Variants in ESRRG observed in about 807,000 individuals in gnomAD.
ESRRG encodes the protein estrogen related receptor gamma.
ESRRG carries 13 observed loss-of-function variants against 44.0 expected under a neutral mutation model. The ratio of observed to expected loss-of-function variants is 0.30; its 90% CI spans 0.19 to 0.47. The LOEUF (loss-of-function observed/expected upper bound fraction) is 0.47. Among genes scored for constraint, ESRRG ranks in the 20% least tolerant of loss-of-function variants. ESRRG has a pLI of 1.00. For missense variants in ESRRG, 395 were observed against 580.6 expected (o/e 0.68, Z 3.29); for synonymous variants, 215 against 214.6 (o/e 1.00, Z -0.02).
At chr1:216,831,512 G>C (rs1182206466) in intron 2 of ESRRG, among the ~76,000 whole-genome samples, 1 of 149,152 alleles carries the variant, frequency 6.7e-6, no homozygotes, top group African/African-American at 2.5e-5. Flanking sequence ...AAAAGAGAGA[G>C]AGAGAAAGAG....
At chr1:216,869,892 C>T (rs1260946864) in intron 2 of ESRRG, among the ~76,000 whole-genome samples, 2 of 151,900 alleles carry the variant, frequency 1.3e-5, no homozygotes, top group Non-Finnish European at 2.9e-5. Context: ...TGTATGTTAA[C>T]CTTGTAACCT....
chr1:216,955,828 T>C (rs953387108), intron 1 of ESRRG, among the ~76,000 whole-genome samples: 11 of 152,210 alleles, frequency 7.2e-5, no homozygotes. Flanking sequence ...AAATACTTAT[T>C]GGCTATTTGT....
chr1:216,969,983 C>T (rs1367395487), intron 1 of ESRRG, among the ~76,000 whole-genome samples: 1 of 152,110 alleles, frequency 6.6e-6, no homozygotes, highest in East Asian at 1.9e-4. Context: ...TGTGAATTCT[C>T]TTGAATCTGA....
intron 5 of ESRRG, among the ~76,000 whole-genome samples, chr1:216,531,096 A>G (rs2049236899): frequency 1.3e-5 from 2 of 152,188 alleles, no homozygotes; most frequent in South Asian, 4.1e-4. Context: ...ATAGGCCATT[A>G]AAAACAAAGT....
intron 2 of ESRRG, among the ~76,000 whole-genome samples, chr1:216,656,399 T>C (rs187171626): frequency 2.0e-5 from 3 of 152,282 alleles, no homozygotes; most frequent in Admixed American, 1.3e-4. Flanking sequence ...GATAGAGCAA[T>C]TTATAATATC....
chr1:216,622,249 A>C (rs2150494545), intron 3 of ESRRG, among the ~76,000 whole-genome samples: 1 of 152,264 alleles, frequency 6.6e-6, no homozygotes, highest in South Asian at 2.1e-4. Flanking sequence ...CTTTGTCTTG[A>C]CCTCTGCAGT....
At chr1:216,705,041 T>G (rs1484222170) in intron 1 of ESRRG, among the ~76,000 whole-genome samples, 3 of 152,204 alleles carry the variant, frequency 2.0e-5, no homozygotes, top group Non-Finnish European at 4.4e-5. Flanking sequence ...GTTTAAACTT[T>G]CCTGATTGCA....
chr1:217,007,386 G>A (rs1228913303), intron 1 of ESRRG, among the ~76,000 whole-genome samples: 3 of 151,654 alleles, frequency 2.0e-5, no homozygotes, highest in Non-Finnish European at 4.4e-5. Context: ...TCTTCCAAAG[G>A]GGGAAAAGGG....
At chr1:216,719,181 T>C (rs541419398) in intron 1 of ESRRG, among the ~76,000 whole-genome samples, 1 of 152,168 alleles carries the variant, frequency 6.6e-6, no homozygotes, top group East Asian at 1.9e-4. Flanking sequence ...GGCTTCTTCT[T>C]TGTCTGTAAT....
intron 1 of ESRRG, among the ~76,000 whole-genome samples, chr1:217,004,292 C>T (rs2818763): frequency 0.19 from 28,513 of 152,004 alleles, 2,949 homozygotes; most frequent in East Asian, 0.45. Flanking sequence ...TGTAATAATA[C>T]CCAGGTGTCA....
chr1:216,727,355 T>A (rs1289627496), upstream of ESRRG, among the ~76,000 whole-genome samples: 1 of 152,138 alleles, frequency 6.6e-6, no homozygotes, highest in African/African-American at 2.4e-5. Context: ...CAAACTACTA[T>A]CTTTAACTCC....
chr1:216,643,878 A>AT (rs2066960066), intron 3 of ESRRG, among the ~76,000 whole-genome samples: 1 of 152,028 alleles, frequency 6.6e-6, no homozygotes, highest in Non-Finnish European at 1.5e-5. Context: ...ACTTTTTCCC[A>AT]TTTTGTCCAC....
At chr1:216,795,721 T>G (rs1483846519) in intron 2 of ESRRG, among the ~76,000 whole-genome samples, 1 of 152,076 alleles carries the variant, frequency 6.6e-6, no homozygotes, top group Non-Finnish European at 1.5e-5. Context: ...ATCTTCAAAT[T>G]TTGATATTAA....
At chr1:217,120,966 C>T (rs947124216) in intron 1 of ESRRG, among the ~76,000 whole-genome samples, 6 of 152,138 alleles carry the variant, frequency 3.9e-5, no homozygotes, top group African/African-American at 1.4e-4. Flanking sequence ...TTCATTGTGT[C>T]CAAGGCATGG....
At chr1:216,679,376 CG>C (rs1376756706) in intron 1 of ESRRG, among the ~76,000 whole-genome samples, 2 of 152,120 alleles carry the variant, frequency 1.3e-5, no homozygotes, top group Non-Finnish European at 2.9e-5. Context: ...GAAAGCGGGT[CG>C]GCACTGACTT....
At chr1:217,004,863 G>A (rs534995406) in intron 1 of ESRRG, among the ~76,000 whole-genome samples, 4 of 152,022 alleles carry the variant, frequency 2.6e-5, no homozygotes, top group African/African-American at 4.8e-5. Context: ...TTGAAATCAC[G>A]GGACTAAAAA....
chr1:217,080,381 G>A (rs2091646827), intron 1 of ESRRG, among the ~76,000 whole-genome samples: 1 of 152,088 alleles, frequency 6.6e-6, no homozygotes, highest in African/African-American at 2.4e-5. Flanking sequence ...ATGGTTTGGA[G>A]GTTATATGTG....
chr1:216,790,266 C>T (rs551438300), intron 2 of ESRRG, among the ~76,000 whole-genome samples: 3 of 152,050 alleles, frequency 2.0e-5, no homozygotes, highest in African/African-American at 7.2e-5. Flanking sequence ...ACTTATTACC[C>T]CCAGGTTATT....
At chr1:216,989,935 A>C (rs1271440259) in intron 1 of ESRRG, among the ~76,000 whole-genome samples, 1 of 152,186 alleles carries the variant, frequency 6.6e-6, no homozygotes, top group African/African-American at 2.4e-5. Flanking sequence ...AACAGTGTGC[A>C]TGGGGGAGGA....
Sources: allele counts gnomAD v4.1 joint callset (sites outside exome capture counted in the v4.1 genomes callset), GRCh38; gene constraint gnomAD v4.1.1; transcripts MANE v1.5; gene names NCBI Gene and HGNC (gene_info 2026-07-23, HGNC 2026-07-21).